The following ZNF559 variants were observed in gnomAD, a reference collection of about 807,000 sequenced individuals.
ZNF559 encodes putative protein product of Nbla00121.
Under a neutral mutation model 14.2 loss-of-function variants are expected in ZNF559, and 17 were observed. That is an observed-to-expected ratio of 1.20 (90% confidence interval 0.82 to 1.80). The LOEUF is 1.80. Among genes scored for constraint, ZNF559 ranks in the 40% most tolerant of loss-of-function variants. The pLI is 0.00. For missense variants in ZNF559, 740 were observed against 629.7 expected (o/e 1.18, Z -1.88); for synonymous variants, 244 against 212.4 (o/e 1.15, Z -1.29).
intron 1 of ZNF559, 71 bp from the exon 2 acceptor site, chr19:9,324,624 C>A: frequency 2.0e-6 from 2 of 1,012,952 alleles, no homozygotes; most frequent in Non-Finnish European, 2.8e-6. Context: ...GGAGACCCCC[C>A]CCCCCAACCA....
Position 9,338,566 on chromosome 19 carries a change from T to G in ZNF559, c.17T>G (p.Leu6Trp), listed in dbSNP as rs116590252. 1,000 of 1,613,826 alleles carry G rather than the reference T, an allele frequency of 6.2e-4. 9 individuals are homozygous for G. In the African/African-American group the frequency reaches 0.012, roughly 19 times the overall value. ...GAGGAAAGGATGGTGGCTGGGTGGT[T>G]GACAAATTACTCTCAGGTAAGTAGG... MVAGWLTNYSQDSVTF... is the reference protein window; with the variant it reads MVAGWWTNYSQDSVTF... Residue 6 changes from leucine to tryptophan, a missense_variant, in exon 4 of 7, where the codon TTG (leucine) becomes TGG (tryptophan). By Grantham distance (61) the Leu-to-Trp change is moderately conservative. Coordinates refer to ENST00000603380, the MANE Select transcript of ZNF559 (RefSeq NM_032497.3).
rs554367825 is a variant in ZNF559, at chr19:9,338,371, G to C, written c.-56-123G>C. ...TTTCTGGCTTCAGGTGAGACAGGCT[G>C]CTCAGGCATTTTATTATAACGTGTG... On this transcript the variant is annotated intron_variant, in intron 3 of 6. Coordinates refer to ENST00000603380, the MANE Select transcript of ZNF559 (RefSeq NM_032497.3). The C allele has an allele frequency of 2.0e-5, 14 of 690,454 alleles. No homozygotes were observed. In the East Asian group the frequency reaches 3.5e-4, roughly 17 times the overall value. 42.8% of individuals were successfully genotyped at this position (690,454 alleles called of 1,614,324 possible).
chr19:9,327,741 C>G (rs1263876011), intron 2 of ZNF559, among the ~76,000 whole-genome samples: 1 of 114,368 alleles, frequency 8.7e-6, no homozygotes, highest in African/African-American at 3.8e-5. Context: ...AATGTCACAA[C>G]TTATTCTAAT....
chr19:9,326,662 TAAA>T, intron 2 of ZNF559, among the ~76,000 whole-genome samples: 1 of 152,308 alleles, frequency 6.6e-6, no homozygotes, highest in East Asian at 1.9e-4. Flanking sequence ...TTTAATATAT[TAAA>T]AATGCAGCAT....
rs202131613 is a variant in ZNF559, at chr19:9,342,727, C to G, written c.1276C>G (p.Arg426Gly). The part of the protein sequence containing the change: ...KAFIRSSFLI[R>G]HLRSHSAERP... ...CTTCATTCGATCCTCATTTCTTATT[C>G]GACATTTGAGAAGTCACAGTGCAGA... The change falls in exon 7 of 7, where the codon CGA becomes GGA. Residue 426 changes from arginine (R) to glycine (G), a missense_variant. Coordinates refer to ENST00000603380, the MANE Select transcript of ZNF559 (RefSeq NM_032497.3). The G allele has an allele frequency of 2.5e-6, 4 of 1,613,792 alleles. No homozygotes were observed. Among genetic ancestry groups the G allele is most frequent in the Admixed American group, 3.3e-5 (2 of 59,976 alleles).
intron 2 of ZNF559, among the ~76,000 whole-genome samples, chr19:9,327,717 T>A (rs182701074): frequency 6.6e-6 from 1 of 150,564 alleles, no homozygotes; most frequent in African/African-American, 2.5e-5. Flanking sequence ...CTCTATACTT[T>A]TTTTCTTTTT....
rs2067559590 is a variant in ZNF559 at position 9,341,153 on chromosome 19, T to G, written c.212T>G (p.Leu71Trp). Residue 71 changes from leucine (L) to tryptophan (W), a missense_variant, in exon 6 of 7, where the codon TTG becomes TGG. Physicochemically the swap from Leu to Trp is moderately conservative, Grantham distance 61 (BLOSUM62 -2). Transcript: ENST00000603380. ...TKWSAPQQNF[L>W]QGKTSSVVEM... is the part of the protein sequence containing the mutation. ...TGGTCAGCACCTCAGCAGAATTTTT[T>G]GCAGGGGAAAACATCCAGTGTGGTG... 1 of 1,613,890 alleles carries G rather than the reference T, an allele frequency of 6.2e-7. No homozygotes were observed. The highest frequency in any genetic ancestry group is 1.3e-5 in the African/African-American group (1 of 74,918).
Position 9,343,290 on chromosome 19 carries a change from G to A in ZNF559, c.*222G>A. 1 of 1,332,600 alleles carries A rather than the reference G, an allele frequency of 7.5e-7. No individual in the cohort carries two copies. The highest frequency in any genetic ancestry group is 1.8e-5 in the South Asian group (1 of 54,124). The allele number at this position is 1,332,600 out of a possible 1,614,324, so 82.5% of individuals were successfully genotyped here. On this transcript the variant is annotated 3_prime_UTR_variant, in exon 7 of 7. Coordinates refer to ENST00000603380, the MANE Select transcript of ZNF559 (RefSeq NM_032497.3). ...CATAGGCCTTACTATTCATGTGTCT[G>A]TGCATCCTAGGAAACAAACTGAACG...
chr19:9,332,688 A>G (rs1045490532), intron 2 of ZNF559, among the ~76,000 whole-genome samples: 1 of 152,206 alleles, frequency 6.6e-6, no homozygotes, highest in African/African-American at 2.4e-5. Flanking sequence ...CAATCAGTCC[A>G]CACTCTGCTG....
chr19:9,342,007 A>G lies in ZNF559; in HGVS notation c.556A>G (p.Lys186Glu). ...KKTHTQEKPY[K>E]CSDCEKGLPS... ...AACTCACACTCAAGAGAAACCATAT[A>G]AATGCAGTGACTGTGAAAAAGGCTT... Residue 186 changes from lysine (K) to glutamate (E), a missense_variant, in exon 7 of 7, where the codon AAA becomes GAA. Lys to Glu is a moderately conservative substitution (Grantham distance 56, BLOSUM62 1). Coordinates refer to ENST00000603380, the MANE Select transcript of ZNF559 (RefSeq NM_032497.3). 1 of 1,611,204 alleles carries G rather than the reference A, an allele frequency of 6.2e-7. No homozygotes were observed.
chr19:9,328,822 TTTC>T (rs1237889870), intron 2 of ZNF559, among the ~76,000 whole-genome samples: 3 of 152,198 alleles, frequency 2.0e-5, no homozygotes, highest in Non-Finnish European at 4.4e-5. Context: ...TCAGAAGTCT[TTTC>T]TTTGAAACTC....
At chr19:9,325,925 C>G (rs1178364906) in intron 2 of ZNF559, among the ~76,000 whole-genome samples, 1 of 151,968 alleles carries the variant, frequency 6.6e-6, no homozygotes. Context: ...GCGTGTATCT[C>G]AAATACCTCC....
At chr19:9,332,430 C>G (rs777924659) in intron 2 of ZNF559, among the ~76,000 whole-genome samples, 4 of 151,964 alleles carry the variant, frequency 2.6e-5, no homozygotes, top group Non-Finnish European at 5.9e-5. Flanking sequence ...TGCTCTGCAA[C>G]CAGCCTGTGA....
At chr19:9,332,355 G>GTATA (rs1555728482) in intron 2 of ZNF559, among the ~76,000 whole-genome samples, 19,545 of 149,958 alleles carry the variant, frequency 0.13, 1,933 homozygotes, top group African/African-American at 0.28. Context: ...ATGTGTGTGT[G>GTATA]TATATATATA....
chr19:9,342,827 A>C lies in ZNF559; in HGVS notation c.1376A>C (p.His459Pro). Reference protein sequence around the residue: ...SSHLSQHKRIHTGERPYKCQK... With the variant: ...SSHLSQHKRIPTGERPYKCQK... ...CACCTTAGTCAACATAAAAGAATAC[A>C]TACAGGGGAGAGGCCATATAAATGT... Residue 459 changes from histidine (H) to proline (P), a missense_variant, in exon 7 of 7, where the codon CAT becomes CCT. Transcript: ENST00000603380. 1 of 1,614,158 alleles carries C rather than the reference A, an allele frequency of 6.2e-7. No homozygotes were observed. The highest frequency in any genetic ancestry group is 8.5e-7 in the Non-Finnish European group (1 of 1,180,036).
rs1382972923 is a variant in ZNF559 at position 9,343,727 on chromosome 19, T to C, written c.*659T>C. 1.0e-6 allele frequency: 1 copy of C among 985,986 alleles called. No individual in the cohort carries two copies. The highest frequency in any genetic ancestry group is 1.2e-6 in the Non-Finnish European group (1 of 830,440). 61.1% of individuals were successfully genotyped at this position (985,986 alleles called of 1,614,324 possible). ...TGACTGTATGGAAGGTCAAAAAGGC[T>C]GTATTAATTTACATGCAAAAAGTCA... On this transcript the variant is annotated 3_prime_UTR_variant, in exon 7 of 7. Coordinates refer to ENST00000603380, the MANE Select transcript of ZNF559 (RefSeq NM_032497.3).
chr19:9,342,775 T>C lies in ZNF559; in HGVS notation c.1324T>C (p.Cys442Arg), dbSNP rs965324895. Residue 442 changes from cysteine (C) to arginine (R), a missense_variant, in exon 7 of 7, where the codon TGT (cysteine) becomes CGT (arginine). Transcript: ENST00000603380. ...SAERPFECEE[C>R]GKAFRYSSHL... ...AGAAAGGCCTTTTGAATGTGAGGAA[T>C]GTGGGAAAGCCTTTAGATACTCCTC... is the stretch of plus-strand genomic sequence containing the variant. 6.2e-7 allele frequency: 1 copy of C among 1,614,076 alleles called. No homozygotes were observed. The highest frequency in any genetic ancestry group is 1.3e-5 in the African/African-American group (1 of 74,936).
At chr19:9,324,276 A>G (rs961048671) in intron 1 of ZNF559, 48 bp downstream of exon 1, 1 of 1,535,782 alleles carries the variant, frequency 6.5e-7, no homozygotes, top group Non-Finnish European at 8.7e-7. Flanking sequence ...CGGTGCAGCC[A>G]CGCGAGAGTA....
At chr19:9,341,061 T>G (rs2067553439) in intron 5 of ZNF559, 41 bp from the exon 6 acceptor site, 2 of 1,494,240 alleles carry the variant, frequency 1.3e-6, no homozygotes, top group Admixed American at 4.0e-5. Context: ...TTAAAATCAT[T>G]ATTTCTCTAA....
Sources: gnomAD v4.1 joint callset for allele counts (sites outside exome capture counted in the v4.1 genomes callset) on GRCh38, gnomAD v4.1.1 for gene constraint, MANE v1.5 for transcripts, NCBI Gene and HGNC (gene_info 2026-07-23, HGNC 2026-07-21) for gene names.